Variants in AGAP1 observed in about 807,000 individuals in gnomAD.
AGAP1 encodes ArfGAP with GTPase domain, ankyrin repeat and PH domain 1.
A neutral mutation model predicts 105.3 loss-of-function variants in AGAP1; 29 were observed. The observed-to-expected ratio is 0.28, with a 90% CI of 0.21 to 0.38. The LOEUF is 0.38. AGAP1 is among the 10% of genes least tolerant of loss of function. The pLI is 1.00. For synonymous variants in AGAP1, 509 were observed against 485.9 expected, an observed-to-expected ratio of 1.05 and a Z score of -0.63; for missense variants, 998 against 1,165.1, an observed-to-expected ratio of 0.86 and a Z score of 2.09.
At chr2:235,522,231 G>C (rs1375998241) in intron 1 of AGAP1, among the ~76,000 whole-genome samples, 1 of 152,206 alleles carries the variant, frequency 6.6e-6, no homozygotes, top group Non-Finnish European at 1.5e-5. Flanking sequence ...TGGAGCTGTG[G>C]ACAGGGAGTC....
intron 1 of AGAP1, among the ~76,000 whole-genome samples, chr2:235,598,902 T>G: frequency 6.6e-6 from 1 of 152,194 alleles, no homozygotes; most frequent in Non-Finnish European, 1.5e-5. Flanking sequence ...AATGAGTTCT[T>G]TATTCACTCA....
chr2:235,842,281 A>G lies in AGAP1; in HGVS notation c.1050+34950A>G, dbSNP rs560109164. ...TTCATTCGTATTTCCACTGACTTCG[A>G]CTGAAAGTTAACGTTTCCTTCAGAT... On this transcript the variant is annotated intron_variant, in intron 9 of 17. Transcript: ENST00000304032. This position sits in a 1 kb window ranked among gnomAD's most constrained non-coding sequence, Gnocchi z 5.3. Among the ~76,000 whole-genome samples the G allele has an allele frequency of 1.1e-4, 16 of 152,308 alleles. No individual in the cohort carries two copies. The highest frequency in any genetic ancestry group is 3.3e-4 in the Admixed American group (5 of 15,302).
rs1946116308 is a variant in AGAP1 at position 235,611,277 on chromosome 2, A to G, written c.164-97902A>G. Among the ~76,000 whole-genome samples the G allele has an allele frequency of 1.3e-5, 2 of 152,288 alleles. No individual in the cohort carries two copies. The highest frequency in any genetic ancestry group is 2.9e-5 in the Non-Finnish European group (2 of 68,016). ...TTGACTCCCTTGTGGCCCACACAAC[A>G]CTTTCGTTGGAGATGAAGAGTCTCC... On this transcript the variant is annotated intron_variant, in intron 1 of 17. Transcript: ENST00000304032. This position sits in a 1 kb window ranked among gnomAD's most constrained non-coding sequence, Gnocchi z 5.0.
intron 1 of AGAP1, chr2:235,524,661 C>T (rs1346296626): frequency 5.8e-6 from 1 of 171,970 alleles, no homozygotes; most frequent in Non-Finnish European, 1.4e-5. Context: ...AACAACAGCT[C>T]CTGCTGCCCA....
chr2:235,785,790 C>G (rs1956593052), intron 6 of AGAP1, among the ~76,000 whole-genome samples: 1 of 152,156 alleles, frequency 6.6e-6, no homozygotes, highest in Non-Finnish European at 1.5e-5. Flanking sequence ...ATTCTGTCTT[C>G]ATAGTTTATC....
intron 1 of AGAP1, among the ~76,000 whole-genome samples, chr2:235,676,817 G>GA (rs1218980001): frequency 1.3e-5 from 2 of 152,070 alleles, no homozygotes. Context: ...GTGAAATAAT[G>GA]AAAAAAAGTT....
Position 236,106,585 on chromosome 2 carries a change from A to G in AGAP1, c.2115-13607A>G, listed in dbSNP as rs10164925. Among the ~76,000 whole-genome samples, 1,101 of 152,336 alleles carry G rather than the reference A, an allele frequency of 7.2e-3. 14 individuals are homozygous for G. Among genetic ancestry groups the G allele is most frequent in the African/African-American group, 0.024 (982 of 41,586 alleles). ...CTGGGGGCCATGCTGGGATTCCAGG[A>G]ACCCGAGAATTCACGTAAGCCAATT... On this transcript the variant is annotated intron_variant, in intron 16 of 17. Coordinates refer to ENST00000304032, the MANE Select transcript of AGAP1 (RefSeq NM_001037131.3).
Position 235,536,655 on chromosome 2 carries a change from A to G in AGAP1, c.163+41806A>G, listed in dbSNP as rs1223948533. Among the ~76,000 whole-genome samples the G allele has an allele frequency of 3.3e-5, 5 of 150,652 alleles. No individual in the cohort carries two copies. The East Asian group carries it at 9.8e-4, about 30-fold the overall frequency. On this transcript the variant is annotated intron_variant, in intron 1 of 17. Transcript: ENST00000304032. The stretch of plus-strand genomic sequence containing the variant: ...CACACACACACACACACACACACAC[A>G]CACACACACACACACACACACACCC...
chr2:235,534,965 G>A (rs1943162928), intron 1 of AGAP1, among the ~76,000 whole-genome samples: 1 of 152,168 alleles, frequency 6.6e-6, no homozygotes, highest in African/African-American at 2.4e-5. Flanking sequence ...AGTGACAGTG[G>A]GAAGCAGACA....
Position 235,625,039 on chromosome 2 carries a change from A to G in AGAP1, c.164-84140A>G, listed in dbSNP as rs1230784661. ...TATACACTCTGCAGAACCGTGTGCC[A>G]ATTAAACTTCTTTTATTAATTACCC... is the stretch of plus-strand genomic sequence containing the variant. On this transcript the variant is annotated intron_variant, in intron 1 of 17. Transcript: ENST00000304032. The surrounding 1 kb of genome is among the most constrained non-coding windows in gnomAD (Gnocchi z 4.0). Among the ~76,000 whole-genome samples, 1 of 152,160 alleles carries G rather than the reference A, an allele frequency of 6.6e-6. No individual in the cohort carries two copies. Among genetic ancestry groups the G allele is most frequent in the African/African-American group, 2.4e-5 (1 of 41,434 alleles).
intron 6 of AGAP1, among the ~76,000 whole-genome samples, chr2:235,781,392 T>G (rs1956253213): frequency 6.6e-6 from 1 of 152,212 alleles, no homozygotes. Context: ...GTTTAAATTT[T>G]TAATACAATC....
At chr2:235,762,778 C>G (rs1954560076) in intron 6 of AGAP1, among the ~76,000 whole-genome samples, 2 of 152,106 alleles carry the variant, frequency 1.3e-5, no homozygotes, top group Non-Finnish European at 2.9e-5. Flanking sequence ...GAGGCTAAGG[C>G]AGGAGAATTG....
At position 235,750,382 on chromosome 2, in the gene AGAP1, C is replaced by G. The variant is rs375739545; in HGVS notation, c.567C>G (p.Val189=). The change falls in exon 6 of 18, where the codon GTC becomes GTG. Residue 189 remains valine, a synonymous_variant. Transcript: ENST00000304032. This position sits in a 1 kb window ranked among gnomAD's most constrained non-coding sequence, Gnocchi z 5.3. ...QDAISSANPR[V]IDDARARKLS... ...CCATAAGTTCTGCTAACCCGAGGGT[C>G]ATCGATGACGCCAGGGCGAGGAAGC... 1 of 1,614,100 alleles carries G rather than the reference C, an allele frequency of 6.2e-7. No homozygotes were observed. The highest frequency in any genetic ancestry group is 8.5e-7 in the Non-Finnish European group (1 of 1,180,052).
chr2:235,539,616 G>T (rs1236992924), intron 1 of AGAP1, among the ~76,000 whole-genome samples: 2 of 152,190 alleles, frequency 1.3e-5, no homozygotes, highest in African/African-American at 2.4e-5. Context: ...GTGAGGTGGT[G>T]CAGGTGGCTG....
At chr2:235,829,434 T>C (rs1328114517) in intron 9 of AGAP1, among the ~76,000 whole-genome samples, 1 of 152,190 alleles carries the variant, frequency 6.6e-6, no homozygotes, top group Non-Finnish European at 1.5e-5. Context: ...GTTCTAACTT[T>C]CCTAAGAACC....
intron 9 of AGAP1, among the ~76,000 whole-genome samples, chr2:235,813,772 A>T (rs184261155): frequency 6.6e-6 from 1 of 152,342 alleles, no homozygotes; most frequent in East Asian, 1.9e-4. Flanking sequence ...TCTGTATCCC[A>T]GGGTTCTTGC....
rs757618879 is a variant in AGAP1 at position 235,750,314 on chromosome 2, C to T, written c.539-40C>T. ...GAGTGTAGGAAGTATTTAGAGCTGT[C>T]ATTGTCACTGTGCCGTTACTTTTTG... On this transcript the variant is annotated intron_variant, in intron 5 of 17. Coordinates refer to ENST00000304032, the MANE Select transcript of AGAP1 (RefSeq NM_001037131.3). The surrounding 1 kb of genome is among the most constrained non-coding windows in gnomAD (Gnocchi z 5.3). 5.0e-6 allele frequency: 8 copies of T among 1,612,960 alleles called. No homozygotes were observed. Among genetic ancestry groups the T allele is most frequent in the Non-Finnish European group, 5.9e-6 (7 of 1,179,114 alleles).
At chr2:235,547,081 T>C (rs1943649020) in intron 1 of AGAP1, among the ~76,000 whole-genome samples, 1 of 152,052 alleles carries the variant, frequency 6.6e-6, no homozygotes, top group South Asian at 2.1e-4. Context: ...TTCCCCATGC[T>C]TTTAGGATCG....
rs1553614591 is a variant in AGAP1, at chr2:235,723,802, G to GTCGA, written c.310+6163_310+6166dup. On this transcript the variant is annotated intron_variant, in intron 3 of 17. Transcript: ENST00000304032. This position sits in a 1 kb window ranked among gnomAD's most constrained non-coding sequence, Gnocchi z 6.2. ...GGTTGGTTGGTTGGTTGGTTGGTTG[G>GTCGA]TCGATCGACAGAGACTTAAGAATGT... Among the ~76,000 whole-genome samples the GTCGA allele has an allele frequency of 4.6e-5, 7 of 151,906 alleles. 1 individual carries two copies. In the South Asian group the frequency reaches 6.2e-4, roughly 14 times the overall value.
Sources: allele counts gnomAD v4.1 joint callset (sites outside exome capture counted in the v4.1 genomes callset), GRCh38; gene constraint gnomAD v4.1.1; non-coding constraint Gnocchi (gnomAD v3.1); transcripts MANE v1.5; gene names NCBI Gene and HGNC (gene_info 2026-07-23, HGNC 2026-07-21).